The following GALNT10 variants were observed in gnomAD, a reference collection of about 807,000 sequenced individuals.
GALNT10 encodes GalNAc transferase 10.
Under a neutral mutation model 75.0 loss-of-function variants are expected in GALNT10, and 41 were observed. The ratio of observed to expected loss-of-function variants is 0.55; its 90% CI spans 0.43 to 0.71. The LOEUF (loss-of-function observed/expected upper bound fraction) is 0.71. GALNT10 is among the 30% of genes least tolerant of loss of function. GALNT10 has a pLI of 0.00. For synonymous variants in GALNT10, 302 were observed against 313.0 expected (o/e 0.96, Z 0.37); for missense variants, 727 against 818.5 (o/e 0.89, Z 1.36).
At chr5:154,228,492 G>A (rs1382847183) in intron 1 of GALNT10, among the ~76,000 whole-genome samples, 1 of 152,208 alleles carries the variant, frequency 6.6e-6, no homozygotes, top group African/African-American at 2.4e-5. Context: ...CTTCTGCCAT[G>A]TGCCTAATAA....
chr5:154,258,293 T>C (rs1376842455), intron 1 of GALNT10, among the ~76,000 whole-genome samples: 1 of 152,208 alleles, frequency 6.6e-6, no homozygotes, highest in Non-Finnish European at 1.5e-5. Context: ...TCTTATTCAG[T>C]GTCTATTGTC....
chr5:154,379,046 G>A (rs772361561), intron 5 of GALNT10, among the ~76,000 whole-genome samples: 7 of 152,126 alleles, frequency 4.6e-5, no homozygotes, highest in East Asian at 1.9e-4. Context: ...GGGCGGGCAC[G>A]TGAGTTTTTT....
chr5:154,292,761 G>A (rs1158996867), intron 1 of GALNT10, among the ~76,000 whole-genome samples: 2 of 152,160 alleles, frequency 1.3e-5, no homozygotes, highest in African/African-American at 4.8e-5. Context: ...TGGAACCCCA[G>A]TACATAAAAC....
chr5:154,260,046 AT>A (rs1160981012), intron 1 of GALNT10, among the ~76,000 whole-genome samples: 22 of 152,050 alleles, frequency 1.4e-4, no homozygotes, highest in Non-Finnish European at 1.5e-5. Context: ...AAACAAACAA[AT>A]TGGCTTTTTG....
chr5:154,244,407 A>AT (rs1164884093), intron 1 of GALNT10, among the ~76,000 whole-genome samples: 1 of 151,714 alleles, frequency 6.6e-6, no homozygotes, highest in Non-Finnish European at 1.5e-5. Flanking sequence ...TCTCTAAAAA[A>AT]TTTTTTTTTA....
At chr5:154,237,274 C>T (rs1297593638) in intron 1 of GALNT10, among the ~76,000 whole-genome samples, 1 of 152,078 alleles carries the variant, frequency 6.6e-6, no homozygotes, top group African/African-American at 2.4e-5. Context: ...TCTTTCAGCC[C>T]CATTGAATCT....
intron 3 of GALNT10, among the ~76,000 whole-genome samples, chr5:154,303,704 C>T (rs1051952099): frequency 6.6e-6 from 1 of 152,134 alleles, no homozygotes; most frequent in African/African-American, 2.4e-5. Flanking sequence ...TAAATTATTA[C>T]CCAAAAGGAT....
chr5:154,304,218 T>C (rs1035451871), intron 3 of GALNT10, among the ~76,000 whole-genome samples: 2 of 152,190 alleles, frequency 1.3e-5, no homozygotes, highest in Non-Finnish European at 2.9e-5. Flanking sequence ...AAGGAAGTAA[T>C]GGCTGAAAGT....
intron 3 of GALNT10, among the ~76,000 whole-genome samples, chr5:154,317,846 C>T (rs747429792): frequency 6.6e-6 from 1 of 152,264 alleles, no homozygotes; most frequent in African/African-American, 2.4e-5. Flanking sequence ...GGGTCCCCGA[C>T]TGATGCCAGT....
rs548251517 is a variant in GALNT10, at chr5:154,347,367, G to A, written c.568+17629G>A. The stretch of plus-strand genomic sequence containing the variant: ...ATGTGGTGATAGGAATAACTTATAA[G>A]GATTTTTTTTTTTTTAGACAGGATC... On this transcript the variant is annotated intron_variant, in intron 4 of 11. Coordinates refer to ENST00000297107, the MANE Select transcript of GALNT10 (RefSeq NM_198321.4). 9.1e-4 allele frequency: 325 copies of A among 358,900 alleles called. 1 individual carries two copies. Among genetic ancestry groups the A allele is most frequent in the Non-Finnish European group, 1.3e-3 (259 of 191,894 alleles). The allele number at this position is 358,900 out of a possible 1,614,324, so 22.2% of individuals were successfully genotyped here.
chr5:154,205,920 G>A (rs561337140), intron 1 of GALNT10, among the ~76,000 whole-genome samples: 5 of 152,292 alleles, frequency 3.3e-5, no homozygotes, highest in South Asian at 2.1e-4. Flanking sequence ...GAACTGTGAC[G>A]CAATAAATTT....
intron 1 of GALNT10, among the ~76,000 whole-genome samples, chr5:154,229,560 C>G (rs1050584733): frequency 2.6e-5 from 4 of 151,450 alleles, no homozygotes; most frequent in Admixed American, 2.6e-4. Flanking sequence ...AACCCCATCT[C>G]TACTAAAAAT....
At chr5:154,329,477 A>G in intron 3 of GALNT10, 95 bp from the exon 4 acceptor site, 1 of 911,498 alleles carries the variant, frequency 1.1e-6, no homozygotes, top group East Asian at 2.4e-5. Flanking sequence ...CTGGAGAGGA[A>G]GTGGGGTTTG....
chr5:154,275,518 T>C (rs1561647501), intron 1 of GALNT10, among the ~76,000 whole-genome samples: 1 of 152,304 alleles, frequency 6.6e-6, no homozygotes, highest in East Asian at 1.9e-4. Context: ...GCCCCCAAAC[T>C]TAGTGGCTTT....
Position 154,376,167 on chromosome 5 carries a change from A to AGAGGG in GALNT10, c.569-110_569-109insGAGGG. Reference sequence around the variant, plus strand: ...TCTGAAAGGTCTAGTGAGGCAGTGTACAGGAAAGCTGTGTCTAGACTGTGA... The same window carrying AGAGGG: ...TCTGAAAGGTCTAGTGAGGCAGTGTAGAGGGCAGGAAAGCTGTGTCTAGACTGTGA... On this transcript the variant is annotated intron_variant, in intron 4 of 11. Transcript: ENST00000297107. The surrounding 1 kb of genome is among the most constrained non-coding windows in gnomAD (Gnocchi z 4.1). 1 of 739,340 alleles carries AGAGGG rather than the reference A, an allele frequency of 1.4e-6. No homozygotes were observed. Among genetic ancestry groups the AGAGGG allele is most frequent in the East Asian group, 2.6e-5 (1 of 38,662 alleles). The allele number at this position is 739,340 out of a possible 1,614,324, so 45.8% of individuals were successfully genotyped here.
Position 154,376,386 on chromosome 5 carries a change from A to G in GALNT10, c.678A>G (p.Ser226=), listed in dbSNP as rs1202482738. ...GLIRTRMLGA[S]VATGDVITFL... ...TAAGGACCCGAATGCTGGGGGCCTCAGTGGCAACTGGGGATGTCATCACAT... is the reference window on the plus strand; with the variant it reads ...TAAGGACCCGAATGCTGGGGGCCTCGGTGGCAACTGGGGATGTCATCACAT... The change falls in exon 5 of 12, where the codon TCA becomes TCG. Residue 226 remains serine (S), a synonymous_variant. Transcript: ENST00000297107. This position sits in a 1 kb window ranked among gnomAD's most constrained non-coding sequence, Gnocchi z 4.1. The G allele has an allele frequency of 3.7e-6, 6 of 1,608,796 alleles. No individual in the cohort carries two copies. Among genetic ancestry groups the G allele is most frequent in the Non-Finnish European group, 5.1e-6 (6 of 1,178,066 alleles).
At chr5:154,307,328 G>T (rs1581965906) in intron 3 of GALNT10, among the ~76,000 whole-genome samples, 1 of 152,154 alleles carries the variant, frequency 6.6e-6, no homozygotes, top group East Asian at 1.9e-4. Flanking sequence ...AAATAATTCT[G>T]GCCGGGTGTG....
chr5:154,308,924 T>G (rs543521540), intron 3 of GALNT10, among the ~76,000 whole-genome samples: 1 of 152,286 alleles, frequency 6.6e-6, no homozygotes, highest in Non-Finnish European at 1.5e-5. Context: ...AATGAGCAAA[T>G]AGTCAAAATC....
chr5:154,216,179 A>G (rs1752869372), intron 1 of GALNT10, among the ~76,000 whole-genome samples: 1 of 152,200 alleles, frequency 6.6e-6, no homozygotes, highest in African/African-American at 2.4e-5. Context: ...TGTCTCTGGA[A>G]GTTCACATGG....
Sources: gnomAD v4.1 joint callset for allele counts (sites outside exome capture counted in the v4.1 genomes callset) on GRCh38, gnomAD v4.1.1 for gene constraint, Gnocchi (gnomAD v3.1) non-coding constraint, MANE v1.5 for transcripts, NCBI Gene and HGNC (gene_info 2026-07-23, HGNC 2026-07-21) for gene names.